The following PDGFA variants were observed in gnomAD, a reference collection of about 807,000 sequenced individuals.
PDGFA encodes platelet derived growth factor subunit A.
Under a neutral mutation model 25.6 loss-of-function variants are expected in PDGFA, and 9 were observed. That is an observed-to-expected ratio of 0.35 (90% CI 0.21 to 0.61). PDGFA has a LOEUF of 0.61. Ranked by LOEUF, PDGFA falls within the 20% of genes least tolerant of loss-of-function variation. The pLI is 0.75. For missense variants in PDGFA, 242 were observed against 272.8 expected, an observed-to-expected ratio of 0.89 and a Z score of 0.79; for synonymous variants, 133 against 111.8, an observed-to-expected ratio of 1.19 and a Z score of -1.20.
chr7:500,727 C>T lies in PDGFA; in HGVS notation c.580+389G>A. ...TCCGCGTGGCGGGGTGAAGGAGAGA[C>T]CCCAGCCAGCCAGGGCAACTGCAGT... is the stretch of plus-strand genomic sequence containing the variant. On this transcript the variant is annotated intron_variant, in intron 5 of 5. Coordinates refer to ENST00000402802, the Ensembl canonical transcript of PDGFA. The surrounding 1 kb of genome is among the most constrained non-coding windows in gnomAD (Gnocchi z 5.0). The T allele has an allele frequency of 7.0e-7, 1 of 1,438,626 alleles. No individual in the cohort carries two copies. Among genetic ancestry groups the T allele is most frequent in the East Asian group, 2.5e-5 (1 of 39,770 alleles). The allele number at this position is 1,438,626 out of a possible 1,614,324, so 89.1% of individuals were successfully genotyped here.
At chr7:512,326 G>A (rs762304628) in intron 3 of PDGFA, 25 bp downstream of exon 3, 1 of 1,594,972 alleles carries the variant, frequency 6.3e-7, no homozygotes, top group Non-Finnish European at 8.6e-7. Flanking sequence ...GCCCTGCCCT[G>A]CCCATCGCGG....
rs568815445 is a variant in PDGFA at position 517,811 on chromosome 7, G to A, written c.64-321C>T. Among the ~76,000 whole-genome samples, 53 of 152,112 alleles carry A rather than the reference G, an allele frequency of 3.5e-4. No individual in the cohort carries two copies. The Middle Eastern group carries it at 0.01, about 29-fold the overall frequency. On this transcript the variant is annotated intron_variant, in intron 1 of 5. Coordinates refer to ENST00000402802, the Ensembl canonical transcript of PDGFA. The surrounding 1 kb of genome is among the most constrained non-coding windows in gnomAD (Gnocchi z 7.4). ...GGGTGTCAGTTACAGAAGGTCTAGG[G>A]GGCAGCGAGGGGGCCGAAAGTTTCT...
chr7:503,903 C>T (rs1441786904), intron 4 of PDGFA, among the ~76,000 whole-genome samples: 2 of 152,130 alleles, frequency 1.3e-5, no homozygotes, highest in Admixed American at 1.3e-4. Context: ...GCGGCCAGGA[C>T]ACTGCCGCTT....
chr7:516,621 C>T (rs1052718353), intron 2 of PDGFA, among the ~76,000 whole-genome samples: 1 of 152,224 alleles, frequency 6.6e-6, no homozygotes, highest in Non-Finnish European at 1.5e-5. Flanking sequence ...CTCTCTAGCC[C>T]TGAGCGGGCG....
chr7:500,379 A>G lies in PDGFA; in HGVS notation c.580+737T>C. ...GCGTGATTTGCTGGTGTGATCAGTC[A>G]GTTGCACCTCCCCGCCCTGCAGGAC... On this transcript the variant is annotated intron_variant, in intron 5 of 5. Transcript: ENST00000402802. This position sits in a 1 kb window ranked among gnomAD's most constrained non-coding sequence, Gnocchi z 5.0. 6.3e-7 allele frequency: 1 copy of G among 1,581,618 alleles called. No homozygotes were observed. The highest frequency in any genetic ancestry group is 8.7e-7 in the Non-Finnish European group (1 of 1,150,628).
chr7:504,397 C>A (rs919668524), intron 4 of PDGFA, among the ~76,000 whole-genome samples: 1 of 152,130 alleles, frequency 6.6e-6, no homozygotes, highest in African/African-American at 2.4e-5. Context: ...GTCCTCAGCC[C>A]TCCCTGAGTC....
At chr7:506,164 A>G in intron 4 of PDGFA, among the ~76,000 whole-genome samples, 1 of 124,870 alleles carries the variant, frequency 8.0e-6, no homozygotes, top group African/African-American at 2.8e-5. Context: ...CAACAGAGTG[A>G]GACTCTGTCT....
In PDGFA at chr7:517,473, G is replaced by T; in HGVS notation, c.81C>A (p.Arg27=). ...TGCGGGCCAGCCTCTCGATCACCTC[G>T]CGGGGGATCTCGGCTTCCTGCAAGC... Residue 27 remains arginine (R), a synonymous_variant, in exon 2 of 6, where the codon CGC becomes CGA. Transcript: ENST00000402802. This position sits in a 1 kb window ranked among gnomAD's most constrained non-coding sequence, Gnocchi z 7.4. The T allele has an allele frequency of 1.5e-6, 2 of 1,347,532 alleles. No individual in the cohort carries two copies. Among genetic ancestry groups the T allele is most frequent in the Non-Finnish European group, 1.9e-6 (2 of 1,034,564 alleles). 83.5% of individuals were successfully genotyped at this position (1,347,532 alleles called of 1,614,324 possible).
exon 3 of PDGFA, chr7:512,379 G>A (rs1169528260): frequency 3.1e-6 from 5 of 1,613,696 alleles, no homozygotes; most frequent in East Asian, 2.2e-5. Context: ...GAATGGGCAG[G>A]GGCCGCTTCT....
At position 512,582 on chromosome 7, in the gene PDGFA, C is replaced by T. The variant is rs1157861879; in HGVS notation, c.161-127G>A. Reference sequence around the variant, plus strand: ...GGAACAGGCACCTGGCGGCACAGCCCCTCACAGCTCCCGCCATTAGGGGCC... The same window carrying T: ...GGAACAGGCACCTGGCGGCACAGCCTCTCACAGCTCCCGCCATTAGGGGCC... On this transcript the variant is annotated intron_variant, in intron 2 of 5. Coordinates refer to ENST00000402802, the Ensembl canonical transcript of PDGFA. The T allele has an allele frequency of 3.2e-6, 5 of 1,549,116 alleles. 1 individual carries two copies. The highest frequency in any genetic ancestry group is 3.9e-5 in the Admixed American group (2 of 51,334).
chr7:507,800 G>T (rs879531067), intron 4 of PDGFA, among the ~76,000 whole-genome samples: 1 of 151,904 alleles, frequency 6.6e-6, no homozygotes, highest in Admixed American at 6.5e-5. Flanking sequence ...ATGGTGCTGG[G>T]CTCATGCCAG....
At chr7:513,960 CAACT>C (rs1289943842) in intron 2 of PDGFA, among the ~76,000 whole-genome samples, 10 of 152,282 alleles carry the variant, frequency 6.6e-5, no homozygotes, top group African/African-American at 1.2e-4. Flanking sequence ...TCCCATCAAC[CAACT>C]GTTACAAGCA....
rs746620422 is a variant in PDGFA at position 500,949 on chromosome 7, T to TCTCCC, written c.580+162_580+166dup. The TCTCCC allele has an allele frequency of 7.5e-6, 12 of 1,594,110 alleles. 1 individual carries two copies. The highest frequency in any genetic ancestry group is 5.9e-6 in the Non-Finnish European group (7 of 1,177,414). On this transcript the variant is annotated intron_variant, in intron 5 of 5. Coordinates refer to ENST00000402802, the Ensembl canonical transcript of PDGFA. This position sits in a 1 kb window ranked among gnomAD's most constrained non-coding sequence, Gnocchi z 5.0. ...CGGACACCTGCAGGTGTGGGATCCG[T>TCTCCC]CTCCCCCGCAGGCATCTGGCCCGGG... is the stretch of plus-strand genomic sequence containing the variant.
chr7:510,116 A>G (rs1191655563), intron 4 of PDGFA, among the ~76,000 whole-genome samples: 1 of 152,178 alleles, frequency 6.6e-6, no homozygotes, highest in African/African-American at 2.4e-5. Context: ...CGGGGACGCC[A>G]GACAGCTTCC....
intron 3 of PDGFA, 123 bp downstream of exon 3, chr7:512,228 C>T (rs1782883739): frequency 2.2e-6 from 2 of 927,992 alleles, no homozygotes; most frequent in South Asian, 3.4e-5. Context: ...GGTGGCTTGC[C>T]TGAGGCCACT....
At chr7:515,212 G>C (rs529017989) in intron 2 of PDGFA, among the ~76,000 whole-genome samples, 5 of 152,180 alleles carry the variant, frequency 3.3e-5, no homozygotes, top group African/African-American at 1.2e-4. Context: ...GGGAAAGTTC[G>C]TTGCGTTGGG....
rs1399490917 is a variant in PDGFA, at chr7:506,432, G to A, written c.453+4377C>T. On this transcript the variant is annotated intron_variant, in intron 4 of 5. Coordinates refer to ENST00000402802, the Ensembl canonical transcript of PDGFA. ...CCACTCCGCCCACCTAGAGACTCCT[G>A]CACCAGACCCCAGAGAGTGGACAGA... Among the ~76,000 whole-genome samples the A allele has an allele frequency of 5.3e-5, 8 of 152,102 alleles. No homozygotes were observed. The South Asian group carries it at 1.3e-3, about 24-fold the overall frequency.
In PDGFA at chr7:511,945, A is replaced by G. The variant is rs572315453; in HGVS notation, c.265+406T>C. 2.0e-5 allele frequency among the ~76,000 whole-genome samples: 3 copies of G among 152,340 alleles called. No individual in the cohort carries two copies. In the East Asian group the frequency reaches 5.8e-4, roughly 29 times the overall value. ...ACAGCACGCGCGTCCCCACCAGTTC[A>G]GCAGCCGGCGCAGGAGCACGATGCC... On this transcript the variant is annotated intron_variant, in intron 3 of 5. Coordinates refer to ENST00000402802, the Ensembl canonical transcript of PDGFA.
chr7:512,317 C>G (rs200033882), intron 3 of PDGFA, 34 bp downstream of exon 3: 1 of 1,588,590 alleles, frequency 6.3e-7, no homozygotes, highest in East Asian at 2.2e-5. Flanking sequence ...CCTGACCCGG[C>G]CCTGCCCTGC....
Sources: allele counts gnomAD v4.1 joint callset (sites outside exome capture counted in the v4.1 genomes callset), GRCh38; gene constraint gnomAD v4.1.1; non-coding constraint Gnocchi (gnomAD v3.1); transcripts MANE v1.5; gene names NCBI Gene and HGNC (gene_info 2026-07-23, HGNC 2026-07-21).